GPATCH2L: variants seen among roughly 807,000 people sequenced by gnomAD.
The protein encoded by GPATCH2L is G patch domain-containing protein 2-like.
Under a neutral mutation model 57.4 loss-of-function variants are expected in GPATCH2L, and 31 were observed. The observed-to-expected ratio is 0.54, with a 90% CI of 0.41 to 0.73. GPATCH2L has a LOEUF of 0.73. Ranked by LOEUF, GPATCH2L falls within the 30% of genes least tolerant of loss-of-function variation. The pLI is 0.00. For synonymous variants in GPATCH2L, 199 were observed against 210.7 expected (o/e 0.94, Z 0.48); for missense variants, 481 against 599.9 (o/e 0.80, Z 2.07).
At chr14:76,178,086 C>T (rs376847212) in intron 7 of GPATCH2L, 44 bp downstream of exon 7, 17 of 1,482,972 alleles carry the variant, frequency 1.1e-5, no homozygotes, top group South Asian at 2.3e-5. Context: ...CTTGGAGAAC[C>T]GTTTTCTAAG....
intron 7 of GPATCH2L, chr14:76,179,789 TCA>T (rs2039485707): frequency 6.6e-6 from 1 of 152,200 alleles, no homozygotes; most frequent in South Asian, 2.1e-4. Context: ...CCTTTGATCC[TCA>T]CAGCCACCTT....
At chr14:76,160,534 T>C (rs1245685764) in intron 2 of GPATCH2L, among the ~76,000 whole-genome samples, 1 of 152,214 alleles carries the variant, frequency 6.6e-6, no homozygotes, top group East Asian at 1.9e-4. Context: ...AAGATACAAC[T>C]GAAGAGAAAA....
chr14:76,201,779 A>G lies in GPATCH2L; in HGVS notation c.1377A>G (p.Ala459=). Residue 459 remains alanine, a synonymous_variant, in exon 10 of 10, where the codon GCA becomes GCG. Transcript: ENST00000261530. ...AGTGGTTGGTGAGGACCTCTGCAGC[A>G]GAGAAAGCCACAGACGCAACTACTG... ...SSEWLVRTSA[A]EKATDATTAT... is the part of the protein sequence containing the mutation. 6.2e-7 allele frequency: 1 copy of G among 1,614,112 alleles called. No homozygotes were observed. Among genetic ancestry groups the G allele is most frequent in the East Asian group, 2.2e-5 (1 of 44,886 alleles).
chr14:76,224,792 G>T (rs1374150948), intron 1 of GPATCH2L, among the ~76,000 whole-genome samples: 1 of 152,090 alleles, frequency 6.6e-6, no homozygotes, highest in Non-Finnish European at 1.5e-5. Context: ...AGTAAATTTG[G>T]CAAGGCTACT....
intron 2 of GPATCH2L, among the ~76,000 whole-genome samples, chr14:76,232,273 T>C (rs980797551): frequency 1.2e-4 from 18 of 152,162 alleles, no homozygotes; most frequent in African/African-American, 4.1e-4. Flanking sequence ...CACACAGTGT[T>C]CCTCTTATTG....
chr14:76,171,680 G>A (rs2039090607), intron 3 of GPATCH2L, among the ~76,000 whole-genome samples, 163 bp from the exon 4 acceptor site: 2 of 150,694 alleles, frequency 1.3e-5, no homozygotes, highest in African/African-American at 2.4e-5. Flanking sequence ...ATGTGATTAC[G>A]CCACTGCATT....
chr14:76,186,220 A>G (rs1385101074), intron 8 of GPATCH2L, among the ~76,000 whole-genome samples: 9 of 152,124 alleles, frequency 5.9e-5, no homozygotes, highest in Admixed American at 5.2e-4. Context: ...CAAATGGTCT[A>G]TAAGAGGAGG....
At chr14:76,152,297 G>A (rs959769392) in intron 1 of GPATCH2L, among the ~76,000 whole-genome samples, 1 of 152,172 alleles carries the variant, frequency 6.6e-6, no homozygotes, top group Non-Finnish European at 1.5e-5. Context: ...GACGGGCCGG[G>A]GCGTGGTGGA....
At chr14:76,224,697 A>C (rs1385774661) in intron 1 of GPATCH2L, among the ~76,000 whole-genome samples, 1 of 152,202 alleles carries the variant, frequency 6.6e-6, no homozygotes, top group African/African-American at 2.4e-5. Context: ...TAAGGCAAGG[A>C]AAAGAAGTTA....
At chr14:76,199,725 A>G (rs780001180) in intron 9 of GPATCH2L, among the ~76,000 whole-genome samples, 2 of 152,196 alleles carry the variant, frequency 1.3e-5, no homozygotes, top group African/African-American at 2.4e-5. Context: ...AGGTAAAATC[A>G]TGCATTGCTG....
chr14:76,233,344 T>A (rs74069134), intron 2 of GPATCH2L, among the ~76,000 whole-genome samples: 1,821 of 152,308 alleles, frequency 0.012, 39 homozygotes, highest in African/African-American at 0.042. Flanking sequence ...TTGTCATTTT[T>A]AAAAAATTCT....
chr14:76,194,504 T>TGTGTGTGTGTGTGTGC (rs1375603616), intron 8 of GPATCH2L, among the ~76,000 whole-genome samples: 8 of 152,208 alleles, frequency 5.3e-5, no homozygotes, highest in African/African-American at 1.7e-4. Flanking sequence ...TGTGTGTGTG[T>TGTGTGTGTGTGTGTGC]GCACGCTCAT....
Position 76,213,430 on chromosome 14 carries a change from A to G in GPATCH2L, c.*11579A>G, listed in dbSNP as rs1015762883. On this transcript the variant is annotated 3_prime_UTR_variant, in exon 10 of 10. Coordinates refer to ENST00000261530, the MANE Select transcript of GPATCH2L (RefSeq NM_017926.4). The stretch of plus-strand genomic sequence containing the variant: ...CAGACTAAATACTTTTAAAGACCCA[A>G]TGAAAACAAAGAAATGCATTTGGAG... 33 of 152,230 alleles carry G rather than the reference A, an allele frequency of 2.2e-4. No individual in the cohort carries two copies. The highest frequency in any genetic ancestry group is 6.8e-4 in the African/African-American group (28 of 41,458). 9.4% of individuals were successfully genotyped at this position (152,230 alleles called of 1,614,324 possible).
chr14:76,193,441 T>C (rs920369061), intron 8 of GPATCH2L, among the ~76,000 whole-genome samples: 1 of 152,206 alleles, frequency 6.6e-6, no homozygotes, highest in Non-Finnish European at 1.5e-5. Flanking sequence ...AATATACTTC[T>C]TGAGTACTTA....
chr14:76,166,123 C>CT (rs1009121302), intron 2 of GPATCH2L, among the ~76,000 whole-genome samples: 1 of 152,050 alleles, frequency 6.6e-6, no homozygotes, highest in Non-Finnish European at 1.5e-5. Context: ...ACTTTAGTTC[C>CT]TTTTTTCAGA....
chr14:76,163,660 A>G (rs975407432), intron 2 of GPATCH2L, among the ~76,000 whole-genome samples: 2 of 152,234 alleles, frequency 1.3e-5, no homozygotes, highest in East Asian at 3.8e-4. Context: ...CTAATCTTTC[A>G]TCATTTGCAT....
intron 5 of GPATCH2L, chr14:76,174,624 T>G (rs1484908158): frequency 6.6e-6 from 1 of 152,172 alleles, no homozygotes; most frequent in Non-Finnish European, 1.5e-5. Flanking sequence ...TATCTTTAAA[T>G]TCAAGTTCAA....
intron 1 of GPATCH2L, among the ~76,000 whole-genome samples, chr14:76,226,526 A>G (rs971991338): frequency 6.6e-6 from 1 of 152,208 alleles, no homozygotes; most frequent in South Asian, 2.1e-4. Flanking sequence ...TGTTCTTGCT[A>G]TATCCTGAAT....
At chr14:76,225,154 A>C (rs961311123) in intron 1 of GPATCH2L, among the ~76,000 whole-genome samples, 4 of 152,190 alleles carry the variant, frequency 2.6e-5, no homozygotes, top group Admixed American at 2.6e-4. Flanking sequence ...AGAGACCAAG[A>C]ATAGAGAAGA....
Sources: allele counts gnomAD v4.1 joint callset (sites outside exome capture counted in the v4.1 genomes callset), GRCh38; gene constraint gnomAD v4.1.1; transcripts MANE v1.5; gene names NCBI Gene and HGNC (gene_info 2026-07-23, HGNC 2026-07-21).